RAB28: variants seen among roughly 807,000 people sequenced by gnomAD.
The protein encoded by RAB28 is ras-related protein Rab-28.
A neutral mutation model predicts 31.7 loss-of-function variants in RAB28; 24 were observed. The observed-to-expected ratio is 0.76, with a 90% CI of 0.55 to 1.06. RAB28 has a LOEUF of 1.06. RAB28 is among the 50% of genes least tolerant of loss of function. The pLI is 0.00. For missense variants in RAB28, 254 were observed against 258.5 expected (o/e 0.98, Z 0.12); for synonymous variants, 100 against 90.4 (o/e 1.11, Z -0.60).
At chr4:13,482,970 A>C (rs764142214) in intron 1 of RAB28, among the ~76,000 whole-genome samples, 1 of 152,214 alleles carries the variant, frequency 6.6e-6, no homozygotes, top group Non-Finnish European at 1.5e-5. Context: ...GGAAATGTGA[A>C]GCCTTAAACA....
intron 6 of RAB28, among the ~76,000 whole-genome samples, chr4:13,372,519 T>C (rs1728756622): frequency 6.6e-6 from 1 of 152,090 alleles, no homozygotes; most frequent in Non-Finnish European, 1.5e-5. Flanking sequence ...AAAAAATTAA[T>C]TTAAAAGGTG....
At chr4:13,400,258 T>G in intron 4 of RAB28, among the ~76,000 whole-genome samples, 1 of 152,308 alleles carries the variant, frequency 6.6e-6, no homozygotes. Flanking sequence ...TAGTAAGTCT[T>G]GATAACTGGC....
chr4:13,468,963 T>C (rs1321557909), intron 3 of RAB28, among the ~76,000 whole-genome samples: 2 of 151,742 alleles, frequency 1.3e-5, no homozygotes, highest in Non-Finnish European at 2.9e-5. Flanking sequence ...ACAATATAAA[T>C]AAAATGGACC....
At chr4:13,471,690 A>C (rs1716129326) in intron 3 of RAB28, among the ~76,000 whole-genome samples, 1 of 151,976 alleles carries the variant, frequency 6.6e-6, no homozygotes, top group Admixed American at 6.6e-5. Flanking sequence ...AATTCATTTC[A>C]TCATCTCAGA....
chr4:13,409,190 A>C lies in RAB28; in HGVS notation c.392-27596T>G, dbSNP rs1712277716. 1.3e-5 allele frequency among the ~76,000 whole-genome samples: 2 copies of C among 152,178 alleles called. 1 individual carries two copies. The highest frequency in any genetic ancestry group is 4.1e-4 in the South Asian group (2 of 4,830). On this transcript the variant is annotated intron_variant, in intron 4 of 6. Transcript: ENST00000330852. ...TTTCGAACAAATCCAAGTCACCCTC[A>C]AAAAGCAAAATACATTACCTCTGAT...
chr4:13,381,177 C>A (rs1729113060), intron 5 of RAB28, among the ~76,000 whole-genome samples: 1 of 151,980 alleles, frequency 6.6e-6, no homozygotes, highest in South Asian at 2.1e-4. Flanking sequence ...TAGCCACAGG[C>A]AGCAGCACTA....
chr4:13,431,612 T>C (rs1418658534), intron 4 of RAB28, among the ~76,000 whole-genome samples: 1 of 152,002 alleles, frequency 6.6e-6, no homozygotes, highest in African/African-American at 2.4e-5. Flanking sequence ...TGTCAGCCCT[T>C]ATATCCAATA....
intron 4 of RAB28, among the ~76,000 whole-genome samples, chr4:13,386,452 G>C (rs939948055): frequency 6.6e-6 from 1 of 151,912 alleles, no homozygotes; most frequent in Non-Finnish European, 1.5e-5. Context: ...CCAAGGACCT[G>C]AACAGATACT....
chr4:13,471,148 T>C (rs1211490616), intron 3 of RAB28, among the ~76,000 whole-genome samples: 2 of 152,100 alleles, frequency 1.3e-5, no homozygotes, highest in East Asian at 3.9e-4. Context: ...TCAACATCTC[T>C]GAAGATTTCT....
At chr4:13,430,157 C>T (rs1181611850) in intron 4 of RAB28, among the ~76,000 whole-genome samples, 3 of 152,042 alleles carry the variant, frequency 2.0e-5, no homozygotes, top group East Asian at 1.9e-4. Context: ...CCCCTGCTCA[C>T]ATCATATTAA....
At chr4:13,459,401 TAATA>T (rs1715472979) in intron 4 of RAB28, among the ~76,000 whole-genome samples, 1 of 152,204 alleles carries the variant, frequency 6.6e-6, no homozygotes, top group Non-Finnish European at 1.5e-5. Flanking sequence ...TACAGAACCC[TAATA>T]TATACTCTAT....
intron 4 of RAB28, among the ~76,000 whole-genome samples, chr4:13,387,048 A>T (rs1465760924): frequency 1.5e-4 from 23 of 152,094 alleles, no homozygotes. Flanking sequence ...AATGATGAGA[A>T]CACATGGACA....
At chr4:13,436,780 A>G (rs1714137443) in intron 4 of RAB28, among the ~76,000 whole-genome samples, 1 of 152,120 alleles carries the variant, frequency 6.6e-6, no homozygotes, top group Non-Finnish European at 1.5e-5. Context: ...CCACACGACC[A>G]TACTACCCAA....
chr4:13,418,612 A>G (rs1020782383), intron 4 of RAB28, among the ~76,000 whole-genome samples: 1 of 152,234 alleles, frequency 6.6e-6, no homozygotes, highest in Non-Finnish European at 1.5e-5. Flanking sequence ...ATTCTTAAAG[A>G]AAAGAATTTT....
intron 4 of RAB28, among the ~76,000 whole-genome samples, chr4:13,436,745 G>A (rs553225912): frequency 2.6e-5 from 4 of 152,246 alleles, no homozygotes; most frequent in Non-Finnish European, 5.9e-5. Context: ...CTCAAAGATT[G>A]GAAGAATCAA....
At chr4:13,395,944 T>C (rs1186504065) in intron 4 of RAB28, among the ~76,000 whole-genome samples, 1 of 152,052 alleles carries the variant, frequency 6.6e-6, no homozygotes, top group African/African-American at 2.4e-5. Context: ...AACCAGAATG[T>C]TATTCCATGT....
At position 13,460,825 on chromosome 4, in the gene RAB28, C is replaced by CT; in HGVS notation, c.264dup (p.Val89SerfsTer6). ...TTTGTAATATCATATACCAAGAGGACTCCCTGTCACAAAAGAGTTACAAAA... is the reference window on the plus strand; with the variant it reads ...TTTGTAATATCATATACCAAGAGGACTTCCCTGTCACAAAAGAGTTACAAAA... On this transcript the variant is annotated frameshift_variant, in exon 4 of 7. Coordinates refer to ENST00000330852, the MANE Select transcript of RAB28 (RefSeq NM_001017979.3). LOFTEE classifies it high-confidence loss of function. 6.2e-7 allele frequency: 1 copy of CT among 1,609,278 alleles called. No homozygotes were observed.
intron 4 of RAB28, among the ~76,000 whole-genome samples, chr4:13,439,605 C>T (rs1714308386): frequency 6.6e-6 from 1 of 152,188 alleles, no homozygotes; most frequent in African/African-American, 2.4e-5. Context: ...CCTCAGCCTC[C>T]CAAAGTGCTG....
At chr4:13,475,512 A>C (rs1235494386) in intron 2 of RAB28, among the ~76,000 whole-genome samples, 1 of 151,600 alleles carries the variant, frequency 6.6e-6, no homozygotes, top group Non-Finnish European at 1.5e-5. Flanking sequence ...ATACCATTTA[A>C]CTATGCAACT....
Sources: gnomAD v4.1 joint callset for allele counts (sites outside exome capture counted in the v4.1 genomes callset) on GRCh38, gnomAD v4.1.1 for gene constraint, MANE v1.5 for transcripts, NCBI Gene and HGNC (gene_info 2026-07-23, HGNC 2026-07-21) for gene names.